Variants in ARL15 observed in about 807,000 individuals in gnomAD.
ARL15 encodes ADP-ribosylation factor-like protein 15.
ARL15 carries 19 observed loss-of-function variants against 25.2 expected under a neutral mutation model. The observed-to-expected ratio is 0.75, with a 90% CI of 0.53 to 1.10. The LOEUF (loss-of-function observed/expected upper bound fraction) is 1.10. Among genes scored for constraint, ARL15 ranks in the 50% least tolerant of loss-of-function variants. The probability of loss-of-function intolerance (pLI) is 0.00; values close to 1 mark genes in which losing one functional copy is unlikely to be tolerated. For missense variants in ARL15, 220 were observed against 246.0 expected (o/e 0.89, Z 0.71); for synonymous variants, 94 against 86.8 (o/e 1.08, Z -0.46).
rs562430301 is a variant in ARL15 at position 54,007,534 on chromosome 5, C to T, written c.462+105668G>A. Among the ~76,000 whole-genome samples the T allele has an allele frequency of 5.3e-5, 8 of 152,012 alleles. No individual in the cohort carries two copies. The East Asian group carries it at 1.6e-3, about 29-fold the overall frequency. On this transcript the variant is annotated intron_variant, in intron 4 of 4. Coordinates refer to ENST00000504924, the MANE Select transcript of ARL15 (RefSeq NM_019087.3). ...TTTTAAAAGAAAGAGTGGCCAGGCG[C>T]GGTGGCTCATGCCTGTAATCCTAGC...
chr5:54,203,995 C>A (rs62372176), intron 1 of ARL15, among the ~76,000 whole-genome samples: 2,726 of 152,112 alleles, frequency 0.018, 34 homozygotes, highest in Non-Finnish European at 0.025. Flanking sequence ...CCCACCTTTG[C>A]CCACCCCGCC....
chr5:54,310,330 C>T, intron 1 of ARL15, 102 bp downstream of exon 1: 1 of 1,345,382 alleles, frequency 7.4e-7, no homozygotes, highest in South Asian at 1.3e-5. Context: ...CAGAGGCATC[C>T]TATCCCAAAG....
At chr5:54,132,924 A>T (rs947978242) in intron 3 of ARL15, among the ~76,000 whole-genome samples, 1 of 152,064 alleles carries the variant, frequency 6.6e-6, no homozygotes, top group African/African-American at 2.4e-5. Context: ...ACCATTTTTC[A>T]CTTATCCAAC....
At chr5:54,122,856 C>T (rs1300909295) in intron 3 of ARL15, among the ~76,000 whole-genome samples, 1 of 152,144 alleles carries the variant, frequency 6.6e-6, no homozygotes, top group East Asian at 1.9e-4. Context: ...TCACTGGTTA[C>T]CTGTCTCCAT....
At chr5:53,938,943 G>A (rs1746440300) in intron 4 of ARL15, among the ~76,000 whole-genome samples, 1 of 152,338 alleles carries the variant, frequency 6.6e-6, no homozygotes, top group South Asian at 2.1e-4. Flanking sequence ...ACACAAATTT[G>A]TTAGCATCAT....
intron 4 of ARL15, among the ~76,000 whole-genome samples, chr5:54,046,467 C>T (rs969038127): frequency 1.1e-4 from 17 of 151,706 alleles, no homozygotes; most frequent in African/African-American, 2.9e-4. Flanking sequence ...GGCACGAGAG[C>T]GAGACTCTGT....
chr5:54,043,257 T>G (rs1436302606), intron 4 of ARL15, among the ~76,000 whole-genome samples: 1 of 152,198 alleles, frequency 6.6e-6, no homozygotes, highest in Non-Finnish European at 1.5e-5. Flanking sequence ...CAAGCTTATC[T>G]TTCCCATATA....
intron 4 of ARL15, among the ~76,000 whole-genome samples, chr5:53,941,530 T>C (rs1352993020): frequency 6.6e-6 from 1 of 152,194 alleles, no homozygotes; most frequent in Non-Finnish European, 1.5e-5. Flanking sequence ...GCTAAGTACA[T>C]GAAGATAAAT....
chr5:54,255,357 A>T (rs911563926), intron 1 of ARL15, among the ~76,000 whole-genome samples: 3 of 152,260 alleles, frequency 2.0e-5, no homozygotes, highest in African/African-American at 4.8e-5. Flanking sequence ...TGCTTAAAAC[A>T]TACAAATCAC....
intron 4 of ARL15, among the ~76,000 whole-genome samples, chr5:54,062,753 G>T: frequency 6.6e-6 from 1 of 152,064 alleles, no homozygotes; most frequent in Non-Finnish European, 1.5e-5. Context: ...AGAAAATCTG[G>T]CAAGAAAGCT....
rs943012169 is a variant in ARL15, at chr5:54,171,845, G to C, written c.132C>G (p.Gly44=). ...AGAGTTTGGACAACAGACTGGTTTT[G>C]CCAGAACCTGTGAGGCCTATGCAAA... is the stretch of plus-strand genomic sequence containing the variant. ...DLVCIGLTGS[G]KTSLLSKLCS... The change falls in exon 2 of 5, where the codon GGC becomes GGG. Residue 44 remains glycine, a synonymous_variant. Transcript: ENST00000504924. The C allele has an allele frequency of 6.2e-7, 1 of 1,613,534 alleles. No homozygotes were observed. The highest frequency in any genetic ancestry group is 8.5e-7 in the Non-Finnish European group (1 of 1,179,684).
chr5:54,156,625 T>C (rs1259319581), intron 2 of ARL15, among the ~76,000 whole-genome samples: 1 of 152,202 alleles, frequency 6.6e-6, no homozygotes, highest in African/African-American at 2.4e-5. Flanking sequence ...AGTACTTTTG[T>C]TGGAGTGACG....
intron 3 of ARL15, among the ~76,000 whole-genome samples, chr5:54,119,024 T>G (rs1651469887): frequency 6.6e-6 from 1 of 152,176 alleles, no homozygotes; most frequent in Non-Finnish European, 1.5e-5. Context: ...ACAATTGCAT[T>G]GAGGACCATG....
intron 4 of ARL15, among the ~76,000 whole-genome samples, chr5:53,899,921 T>C (rs1733990137): frequency 6.6e-6 from 1 of 152,168 alleles, no homozygotes; most frequent in Non-Finnish European, 1.5e-5. Context: ...CATCTATTTA[T>C]CCAATTCTAC....
rs116579187 is a variant in ARL15, at chr5:54,163,329, G to A, written c.193+8455C>T. ...ATTTTTGCTTATAATTTTTGTATCTGTGTCCATGAGGGCTATTGGTATGAA... is the reference window on the plus strand; with the variant it reads ...ATTTTTGCTTATAATTTTTGTATCTATGTCCATGAGGGCTATTGGTATGAA... On this transcript the variant is annotated intron_variant, in intron 2 of 4. Coordinates refer to ENST00000504924, the MANE Select transcript of ARL15 (RefSeq NM_019087.3). 1.5e-3 allele frequency among the ~76,000 whole-genome samples: 122 copies of A among 83,102 alleles called. 2 individuals are homozygous for A. The highest frequency in any genetic ancestry group is 8.3e-3 in the Middle Eastern group (1 of 120). The allele number at this position is 83,102 out of a possible 152,430, so 54.5% of individuals were successfully genotyped here.
chr5:54,166,837 A>C (rs574932775), intron 2 of ARL15, among the ~76,000 whole-genome samples: 58 of 152,126 alleles, frequency 3.8e-4, no homozygotes, highest in Non-Finnish European at 5.0e-4. Flanking sequence ...ATGAATCATG[A>C]TTTCTGGCCT....
intron 1 of ARL15, among the ~76,000 whole-genome samples, chr5:54,202,889 T>A (rs956422581): frequency 6.6e-6 from 1 of 152,114 alleles, no homozygotes; most frequent in Non-Finnish European, 1.5e-5. Context: ...AAAGTCTTCA[T>A]AGATTTCTGA....
chr5:53,979,920 G>A (rs1748067635), intron 4 of ARL15, among the ~76,000 whole-genome samples: 1 of 151,188 alleles, frequency 6.6e-6, no homozygotes, highest in African/African-American at 2.4e-5. Context: ...GGCCAAACTG[G>A]TCTCAAACTC....
At chr5:54,175,788 G>T in intron 1 of ARL15, among the ~76,000 whole-genome samples, 1 of 151,416 alleles carries the variant, frequency 6.6e-6, no homozygotes, top group Non-Finnish European at 1.5e-5. Flanking sequence ...GAGTAGCTGG[G>T]ATTACAAGTG....
Sources: allele counts gnomAD v4.1 joint callset (sites outside exome capture counted in the v4.1 genomes callset), GRCh38; gene constraint gnomAD v4.1.1; transcripts MANE v1.5; gene names NCBI Gene and HGNC (gene_info 2026-07-23, HGNC 2026-07-21).